The following ZNF641 variants were observed in gnomAD, a reference collection of about 807,000 sequenced individuals.
ZNF641 encodes the protein zinc finger protein 641.
ZNF641 carries 26 observed loss-of-function variants against 46.2 expected under a neutral mutation model. The observed-to-expected ratio is 0.56, with a 90% CI of 0.41 to 0.78. The LOEUF (loss-of-function observed/expected upper bound fraction) is 0.78. Ranked by LOEUF, ZNF641 falls within the 30% of genes least tolerant of loss-of-function variation. ZNF641 has a pLI of 0.00. For synonymous variants in ZNF641, 163 were observed against 187.9 expected, an observed-to-expected ratio of 0.87 and a Z score of 1.09; for missense variants, 469 against 517.8, an observed-to-expected ratio of 0.91 and a Z score of 0.91.
rs1383021741 is a variant in ZNF641 at position 48,341,552 on chromosome 12, C to T, written c.*1421G>A. 9 of 985,314 alleles carry T rather than the reference C, an allele frequency of 9.1e-6. No individual in the cohort carries two copies. Among genetic ancestry groups the T allele is most frequent in the Non-Finnish European group, 9.6e-6 (8 of 829,944 alleles). The allele number at this position is 985,314 out of a possible 1,614,324, so 61.0% of individuals were successfully genotyped here. ...GAAAAGCTAAGCCACAGCCATTTTC[C>T]CTAAAGTTCTGTTTCTGGGAGAATG... On this transcript the variant is annotated 3_prime_UTR_variant, in exon 6 of 6. Coordinates refer to ENST00000547026, the MANE Select transcript of ZNF641 (RefSeq NM_001172681.2).
In ZNF641 at chr12:48,337,476, G is replaced by A; in HGVS notation, c.*5497C>T. 1 of 152,294 alleles carries A rather than the reference G, an allele frequency of 6.6e-6. No homozygotes were observed. Among genetic ancestry groups the A allele is most frequent in the Non-Finnish European group, 1.5e-5 (1 of 68,050 alleles). The allele number at this position is 152,294 out of a possible 1,614,324, so 9.4% of individuals were successfully genotyped here. Reference sequence around the variant, plus strand: ...GGGTCACATTTGATCTCCCAGGCCTGAAATTGCCAGTGCCTGGCACATAAT... The same window carrying A: ...GGGTCACATTTGATCTCCCAGGCCTAAAATTGCCAGTGCCTGGCACATAAT... On this transcript the variant is annotated 3_prime_UTR_variant, in exon 6 of 6. Transcript: ENST00000547026.
intron 1 of ZNF641, among the ~76,000 whole-genome samples, chr12:48,348,846 G>C (rs1324405603): frequency 6.6e-6 from 1 of 152,186 alleles, no homozygotes; most frequent in Non-Finnish European, 1.5e-5. Context: ...GGAACAGAAA[G>C]AGTTTGAACC....
Position 48,340,973 on chromosome 12 carries a change from T to A in ZNF641, c.*2000A>T, listed in dbSNP as rs928173034. 5.1e-6 allele frequency: 5 copies of A among 985,260 alleles called. No individual in the cohort carries two copies. In the African/African-American group the frequency reaches 8.7e-5, roughly 17 times the overall value. The allele number at this position is 985,260 out of a possible 1,614,324, so 61.0% of individuals were successfully genotyped here. A position where few individuals can be genotyped will look rare whatever the true frequency, so the allele number is the denominator to read the frequency against. On this transcript the variant is annotated 3_prime_UTR_variant, in exon 6 of 6. Coordinates refer to ENST00000547026, the MANE Select transcript of ZNF641 (RefSeq NM_001172681.2). ...CAGCCATTTTGCCTTATTCATAGGA[T>A]CATAAGCAAGAGAACTGCATTCCAG... is the stretch of plus-strand genomic sequence containing the variant.
intron 1 of ZNF641, chr12:48,350,336 C>T: frequency 1.1e-6 from 1 of 943,914 alleles, no homozygotes; most frequent in Non-Finnish European, 1.5e-6. Context: ...AACCCTGGCC[C>T]CTGCCACGGG....
rs1333310792 is a variant in ZNF641 at position 48,342,275 on chromosome 12, G to A, written c.*698C>T. On this transcript the variant is annotated 3_prime_UTR_variant, in exon 6 of 6. Transcript: ENST00000547026. ...GGTTATTTTTTCAGCAGGTGAGGGT[G>A]AGAGGTGATGTATATACTGCTGATT... The A allele has an allele frequency of 5.1e-6, 5 of 985,334 alleles. No individual in the cohort carries two copies. The African/African-American group carries it at 5.2e-5, about 10-fold the overall frequency. The allele number at this position is 985,334 out of a possible 1,614,324, so 61.0% of individuals were successfully genotyped here.
chr12:48,349,120 A>G (rs2136189832), intron 1 of ZNF641, among the ~76,000 whole-genome samples: 1 of 152,334 alleles, frequency 6.6e-6, no homozygotes, highest in Middle Eastern at 3.4e-3. Context: ...ATGAATAAAA[A>G]CAGAGGTCCC....
chr12:48,343,804 T>G (rs909746765), intron 5 of ZNF641, 77 bp from the exon 6 acceptor site: 4 of 1,372,836 alleles, frequency 2.9e-6, no homozygotes, highest in East Asian at 2.6e-5. Flanking sequence ...CAAATGAGGT[T>G]GTCTGATACC....
intron 3 of ZNF641, 82 bp from the exon 4 acceptor site, chr12:48,345,556 G>A: frequency 6.4e-7 from 1 of 1,560,720 alleles, no homozygotes; most frequent in Non-Finnish European, 8.8e-7. Context: ...AGTTAGTAGA[G>A]GAGAGAGGGT....
At chr12:48,346,979 C>G (rs189548275) in intron 3 of ZNF641, among the ~76,000 whole-genome samples, 28 of 152,286 alleles carry the variant, frequency 1.8e-4, no homozygotes, top group Non-Finnish European at 5.9e-5. Context: ...CCACTGCACT[C>G]CAACCAGGGC....
intron 3 of ZNF641, among the ~76,000 whole-genome samples, chr12:48,346,984 C>A (rs117047175): frequency 0.057 from 8,659 of 152,236 alleles, 337 homozygotes; most frequent in Non-Finnish European, 0.091. Flanking sequence ...GCACTCCAAC[C>A]AGGGCAACAC....
chr12:48,344,105 C>T (rs1414569268), intron 5 of ZNF641, among the ~76,000 whole-genome samples: 1 of 152,178 alleles, frequency 6.6e-6, no homozygotes, highest in Non-Finnish European at 1.5e-5. Context: ...TATTTATTTA[C>T]TACTGTATAT....
chr12:48,345,942 C>T (rs1055674277), intron 3 of ZNF641, among the ~76,000 whole-genome samples: 10 of 148,388 alleles, frequency 6.7e-5, no homozygotes, highest in African/African-American at 2.2e-4. Context: ...GTCTCACTGT[C>T]GCCCAGGCTG....
chr12:48,348,200 A>T (rs1342108217), intron 1 of ZNF641, 85 bp from the exon 2 acceptor site: 2 of 1,377,364 alleles, frequency 1.5e-6, no homozygotes, highest in African/African-American at 2.8e-5. Context: ...AGGCCCAGGG[A>T]TAATAGACAA....
rs1367526480 is a variant in ZNF641 at position 48,338,150 on chromosome 12, G to T, written c.*4823C>A. ...TAGTAGGCTTAAAGCTGATAGAAAA[G>T]AAACTGGACAGTAGGCAGAGGAATA... is the stretch of plus-strand genomic sequence containing the variant. On this transcript the variant is annotated 3_prime_UTR_variant, in exon 6 of 6. Coordinates refer to ENST00000547026, the MANE Select transcript of ZNF641 (RefSeq NM_001172681.2). 1 of 152,284 alleles carries T rather than the reference G, an allele frequency of 6.6e-6. No homozygotes were observed. Among genetic ancestry groups the T allele is most frequent in the African/African-American group, 2.4e-5 (1 of 41,422 alleles). The allele number at this position is 152,284 out of a possible 1,614,324, so 9.4% of individuals were successfully genotyped here.
Position 48,341,606 on chromosome 12 carries a change from G to A in ZNF641, c.*1367C>T, listed in dbSNP as rs1047140644. 8.1e-6 allele frequency: 8 copies of A among 985,316 alleles called. No homozygotes were observed. Among genetic ancestry groups the A allele is most frequent in the Non-Finnish European group, 8.4e-6 (7 of 829,948 alleles). 61.0% of individuals were successfully genotyped at this position (985,316 alleles called of 1,614,324 possible). A position where few individuals can be genotyped will look rare whatever the true frequency, so the allele number is the denominator to read the frequency against. On this transcript the variant is annotated 3_prime_UTR_variant, in exon 6 of 6. Transcript: ENST00000547026. ...TCTTCAAGAATAACTCTTGCCCCTTGATGAGGCAGTCAAATTCAAACCAGT... is the reference window on the plus strand; with the variant it reads ...TCTTCAAGAATAACTCTTGCCCCTTAATGAGGCAGTCAAATTCAAACCAGT...
At position 48,343,517 on chromosome 12, in the gene ZNF641, T is replaced by G; in HGVS notation, c.731A>C (p.Asp244Ala). The G allele has an allele frequency of 6.2e-7, 1 of 1,612,660 alleles. No homozygotes were observed. The highest frequency in any genetic ancestry group is 1.1e-5 in the South Asian group (1 of 91,022). ...GCATGTGTGGGGTCTTAACAGGGAATCCATCTCTGTGCTACACAGCAGGTT... is the reference window on the plus strand; with the variant it reads ...GCATGTGTGGGGTCTTAACAGGGAAGCCATCTCTGTGCTACACAGCAGGTT... Reference protein sequence around the residue: ...FSNLLCSTEMDSLLRPHTCPQ... With the variant: ...FSNLLCSTEMASLLRPHTCPQ... The change falls in exon 6 of 6, where the codon GAT becomes GCT. Residue 244 changes from aspartate to alanine, a missense_variant. By Grantham distance (126) the Asp-to-Ala change is moderately radical (BLOSUM62 -2). Around this residue, in one of 3 missense-constraint regions of ZNF641, gnomAD observed 346 missense variants for 354.0 expected, o/e 0.98. Transcript: ENST00000547026.
rs1248698890 is a variant in ZNF641, at chr12:48,338,856, GTTC to G, written c.*4114_*4116del. ...CCAATTTTTATGTTGGAAAACTTGG[GTTC>G]TTAAGGGCTTGGCATGGTAGGCCTT... On this transcript the variant is annotated 3_prime_UTR_variant, in exon 6 of 6. Coordinates refer to ENST00000547026, the MANE Select transcript of ZNF641 (RefSeq NM_001172681.2). 1.3e-5 allele frequency: 2 copies of G among 152,108 alleles called. No individual in the cohort carries two copies. The highest frequency in any genetic ancestry group is 2.4e-5 in the African/African-American group (1 of 41,402). The allele number at this position is 152,108 out of a possible 1,614,324, so 9.4% of individuals were successfully genotyped here.
At chr12:48,347,078 A>C in intron 3 of ZNF641, 174 bp downstream of exon 3, 1 of 1,205,058 alleles carries the variant, frequency 8.3e-7, no homozygotes, top group Non-Finnish European at 1.1e-6. Context: ...TTGTAGGTCC[A>C]TTTAATTTTC....
rs1200950176 is a variant in ZNF641, at chr12:48,340,554, ATATT to A, written c.*2415_*2418del. On this transcript the variant is annotated 3_prime_UTR_variant, in exon 6 of 6. Transcript: ENST00000547026. The stretch of plus-strand genomic sequence containing the variant: ...TGCCTCTGGTACCTTAATCCTTAAA[ATATT>A]TAGTGACCCTTGCCTTCTAATTCTT... The A allele has an allele frequency of 1.0e-6, 1 of 985,314 alleles. No homozygotes were observed. The highest frequency in any genetic ancestry group is 6.1e-5 in the Admixed American group (1 of 16,268). 61.0% of individuals were successfully genotyped at this position (985,314 alleles called of 1,614,324 possible). A position where few individuals can be genotyped will look rare whatever the true frequency, so the allele number is the denominator to read the frequency against.
Sources: allele counts gnomAD v4.1 joint callset (sites outside exome capture counted in the v4.1 genomes callset), GRCh38; gene constraint gnomAD v4.1.1; regional missense constraint gnomAD v4.1.1; transcripts MANE v1.5; gene names NCBI Gene and HGNC (gene_info 2026-07-23, HGNC 2026-07-21).